POP1: variants seen among roughly 807,000 people sequenced by gnomAD.
POP1 encodes the protein POP1 ribonuclease P/MRP subunit, also known as ribonucleases P/MRP protein subunit POP1.
POP1 carries 75 observed loss-of-function variants against 102.2 expected under a neutral mutation model. The ratio of observed to expected loss-of-function variants is 0.73; its 90% confidence interval spans 0.61 to 0.89. The LOEUF is 0.89. Among genes scored for constraint, POP1 ranks in the 40% least tolerant of loss-of-function variants. The pLI is 0.00. For missense variants in POP1, 1,116 were observed against 1,267.4 expected (o/e 0.88, Z 1.81); for synonymous variants, 436 against 464.1 (o/e 0.94, Z 0.78).
At chr8:98,142,518 C>G (rs1401907373) in intron 11 of POP1, among the ~76,000 whole-genome samples, 1 of 152,170 alleles carries the variant, frequency 6.6e-6, no homozygotes, top group African/African-American at 2.4e-5. Context: ...CAATATTTCA[C>G]TATATAGGTA....
intron 4 of POP1, among the ~76,000 whole-genome samples, chr8:98,129,021 G>C (rs4734386): frequency 0.64 from 97,265 of 151,968 alleles, 31,219 homozygotes; most frequent in South Asian, 0.82. Context: ...CCCTTCAAAC[G>C]AAATTCACAG....
chr8:98,141,076 A>G (rs549549565), intron 11 of POP1, among the ~76,000 whole-genome samples, 188 bp downstream of exon 11: 3 of 152,198 alleles, frequency 2.0e-5, no homozygotes, highest in Admixed American at 6.6e-5. Flanking sequence ...AGTGTCTTTT[A>G]GCAGTAAAAC....
intron 12 of POP1, 129 bp from the exon 13 acceptor site, chr8:98,148,686 T>C (rs1586247846): frequency 1.2e-6 from 1 of 819,248 alleles, no homozygotes; most frequent in East Asian, 2.7e-5. Flanking sequence ...CACATTTATT[T>C]ATTTAGAACG....
At chr8:98,147,962 TGTG>T (rs1173020753) in intron 12 of POP1, among the ~76,000 whole-genome samples, 2 of 152,108 alleles carry the variant, frequency 1.3e-5, no homozygotes, top group Admixed American at 6.5e-5. Context: ...GTGTGTGAAT[TGTG>T]GTGTCATTCA....
rs1198155781 is a variant in POP1 at position 98,117,304 on chromosome 8, A to C, written c.-89A>C. The stretch of plus-strand genomic sequence containing the variant: ...GCCCGGTCTGGCGCATGCGCTCTCC[A>C]GCGCGCTCTCCAGGAGCTTTGGCTC... On this transcript the variant is annotated 5_prime_UTR_variant, in exon 1 of 16. Coordinates refer to ENST00000401707, the MANE Select transcript of POP1 (RefSeq NM_001145860.2). 5.1e-6 allele frequency: 3 copies of C among 593,186 alleles called. No homozygotes were observed. In the Admixed American group the frequency reaches 9.0e-5, roughly 18 times the overall value. 36.7% of individuals were successfully genotyped at this position (593,186 alleles called of 1,614,324 possible). A position where few individuals can be genotyped will look rare whatever the true frequency, so the allele number is the denominator to read the frequency against.
At chr8:98,128,265 T>A (rs1816270222) in intron 3 of POP1, 100 bp from the exon 4 acceptor site, 2 of 1,156,380 alleles carry the variant, frequency 1.7e-6, no homozygotes, top group Non-Finnish European at 2.5e-6. Flanking sequence ...CTTTACGCCT[T>A]CTTGGTGGAG....
At chr8:98,135,284 A>G (rs1406542185) in intron 7 of POP1, among the ~76,000 whole-genome samples, 3 of 152,160 alleles carry the variant, frequency 2.0e-5, no homozygotes, top group Non-Finnish European at 2.9e-5. Context: ...TCGAAAAAAA[A>G]AAAAACTAAT....
chr8:98,153,739 T>C (rs2130631729), intron 14 of POP1, among the ~76,000 whole-genome samples: 1 of 152,148 alleles, frequency 6.6e-6, no homozygotes, highest in East Asian at 1.9e-4. Context: ...GGTTTCACCA[T>C]GTTGGCCAGG....
intron 5 of POP1, among the ~76,000 whole-genome samples, 189 bp from the exon 6 acceptor site, chr8:98,133,760 G>C (rs1283963313): frequency 6.6e-6 from 1 of 152,188 alleles, no homozygotes; most frequent in Non-Finnish European, 1.5e-5. Flanking sequence ...GGAATGGACA[G>C]GTTTAGATAT....
At position 98,134,604 on chromosome 8, in the gene POP1, G is replaced by T. The variant is rs1352509963; in HGVS notation, c.956G>T (p.Gly319Val). Reference protein sequence around the residue: ...TFIWKSQRTPGDPSESRQLWI... With the variant: ...TFIWKSQRTPVDPSESRQLWI... ...ATCTGGAAGTCCCAGAGGACCCCGG[G>T]TGACCCTTCTGAGAGCAGGCAGCTG... The change falls in exon 7 of 16, where the codon GGT (glycine) becomes GTT (valine). Residue 319 changes from glycine to valine, a missense_variant. Coordinates refer to ENST00000401707, the MANE Select transcript of POP1 (RefSeq NM_001145860.2). 1 of 1,614,128 alleles carries T rather than the reference G, an allele frequency of 6.2e-7. No homozygotes were observed. Among genetic ancestry groups the T allele is most frequent in the Non-Finnish European group, 8.5e-7 (1 of 1,179,972 alleles).
At chr8:98,150,842 G>A (rs1283864559) in intron 14 of POP1, among the ~76,000 whole-genome samples, 1 of 152,070 alleles carries the variant, frequency 6.6e-6, no homozygotes, top group African/African-American at 2.4e-5. Context: ...GCCCATTTTG[G>A]TTATAAACCC....
At chr8:98,150,394 G>A (rs1040301404) in intron 13 of POP1, 91 bp from the exon 14 acceptor site, 21 of 1,387,340 alleles carry the variant, frequency 1.5e-5, no homozygotes, top group Admixed American at 5.1e-5. Context: ...TTTGAGGGGC[G>A]TTTAGGTTGT....
chr8:98,148,218 G>T (rs1222945729), intron 12 of POP1, among the ~76,000 whole-genome samples: 1 of 152,210 alleles, frequency 6.6e-6, no homozygotes, highest in South Asian at 2.1e-4. Context: ...CGTTCATGAG[G>T]TAGCAGTTAG....
At chr8:98,156,850 T>A (rs1198382577) in intron 15 of POP1, among the ~76,000 whole-genome samples, 1 of 151,964 alleles carries the variant, frequency 6.6e-6, no homozygotes, top group African/African-American at 2.4e-5. Context: ...AGTATTGGTG[T>A]GGGCCAGGTT....
chr8:98,121,927 C>T (rs183638244), intron 1 of POP1, among the ~76,000 whole-genome samples: 5,816 of 152,126 alleles, frequency 0.038, 159 homozygotes, highest in Middle Eastern at 0.16. Context: ...CCTCATGATC[C>T]GCCCGCCTCA....
At chr8:98,121,023 T>G (rs764217137) in intron 1 of POP1, among the ~76,000 whole-genome samples, 1 of 152,202 alleles carries the variant, frequency 6.6e-6, no homozygotes, top group Non-Finnish European at 1.5e-5. Flanking sequence ...CCTCAAGTGA[T>G]CCACTCGCCT....
chr8:98,127,586 A>G lies in POP1; in HGVS notation c.143-9A>G, dbSNP rs1487276110. On this transcript the variant is annotated splice_polypyrimidine_tract_variant and intron_variant, in intron 2 of 15. Coordinates refer to ENST00000401707, the MANE Select transcript of POP1 (RefSeq NM_001145860.2). ...AAAGGTGACATGTTTCTTTTTGAAAATATACTAGAGCCTCATCCTGGAACT... is the reference window on the plus strand; with the variant it reads ...AAAGGTGACATGTTTCTTTTTGAAAGTATACTAGAGCCTCATCCTGGAACT... 1 of 1,614,088 alleles carries G rather than the reference A, an allele frequency of 6.2e-7. No individual in the cohort carries two copies. Among genetic ancestry groups the G allele is most frequent in the Non-Finnish European group, 8.5e-7 (1 of 1,179,984 alleles).
chr8:98,133,785 C>T (rs1379675158), intron 5 of POP1, among the ~76,000 whole-genome samples, 164 bp from the exon 6 acceptor site: 1 of 151,882 alleles, frequency 6.6e-6, no homozygotes, highest in Non-Finnish European at 1.5e-5. Context: ...TCCACTAAAC[C>T]ATCGGGCAGG....
At position 98,158,128 on chromosome 8, in the gene POP1, T is replaced by C. The variant is rs1199669769; in HGVS notation, c.2932T>C (p.Cys978Arg). ...TQGDFSMAVGCGEALGFVSLT... is the reference protein window; with the variant it reads ...TQGDFSMAVGRGEALGFVSLT... ...GGGAGATTTTTCCATGGCTGTTGGC[T>C]GTGGAGAAGCCCTGGGGTTTGTTAG... Residue 978 changes from cysteine (C) to arginine (R), a missense_variant, in exon 16 of 16, where the codon TGT becomes CGT. Cys to Arg is a radical substitution (Grantham distance 180, BLOSUM62 -3). Transcript: ENST00000401707. 1.2e-6 allele frequency: 2 copies of C among 1,606,962 alleles called. No homozygotes were observed. Among genetic ancestry groups the C allele is most frequent in the African/African-American group, 2.7e-5 (2 of 74,714 alleles).
Sources: gnomAD v4.1 joint callset for allele counts (sites outside exome capture counted in the v4.1 genomes callset) on GRCh38, gnomAD v4.1.1 for gene constraint, MANE v1.5 for transcripts, NCBI Gene and HGNC (gene_info 2026-07-23, HGNC 2026-07-21) for gene names.